LARGE1: variants seen among roughly 807,000 people sequenced by gnomAD.
LARGE1 encodes the protein xylosyl- and glucuronyltransferase LARGE1.
In LARGE1, 43 loss-of-function variants were observed where a neutral mutation model predicts 87.6. That is an observed-to-expected ratio of 0.49 (90% CI 0.38 to 0.63). The LOEUF (loss-of-function observed/expected upper bound fraction) is 0.63, where lower values mean the gene tolerates loss of function less well. Ranked by LOEUF, LARGE1 falls within the 30% of genes least tolerant of loss-of-function variation. The pLI is 0.00. For synonymous variants in LARGE1, 434 were observed against 394.6 expected, an observed-to-expected ratio of 1.10 and a Z score of -1.18; for missense variants, 802 against 1,000.2, an observed-to-expected ratio of 0.80 and a Z score of 2.67.
intron 1 of LARGE1, among the ~76,000 whole-genome samples, chr22:33,849,592 CTTTTTTTTTTTTTT>C (rs71187287): frequency 1.1e-5 from 1 of 88,592 alleles, no homozygotes; most frequent in East Asian, 3.1e-4. Context: ...CTTTTCTTCT[CTTTTTTTTTTTTTT>C]TTTTTTTTTT....
At chr22:33,541,047 TGGGTTGCGGGGGG>T (rs1357356354) in intron 6 of LARGE1, among the ~76,000 whole-genome samples, 1 of 2,180 alleles carries the variant, frequency 4.6e-4, no homozygotes, top group Admixed American at 6.3e-3. Flanking sequence ...GCTGGGGTGG[TGGGTTGCGGGGGG>T]GGGGGGGCGG....
intron 6 of LARGE1, among the ~76,000 whole-genome samples, chr22:33,443,937 T>C (rs767610643): frequency 6.6e-6 from 1 of 152,262 alleles, no homozygotes; most frequent in Non-Finnish European, 1.5e-5. Context: ...TCAGCCCAGC[T>C]ACAACCTCCA....
intron 6 of LARGE1, among the ~76,000 whole-genome samples, chr22:33,549,122 T>A (rs149470302): frequency 1.3e-5 from 2 of 152,290 alleles, no homozygotes; most frequent in Admixed American, 6.5e-5. Flanking sequence ...TTCATTTCAA[T>A]AAGGACCCTC....
At chr22:33,210,438 A>G (rs772031769) in intron 11 of LARGE1, among the ~76,000 whole-genome samples, 13 of 152,224 alleles carry the variant, frequency 8.5e-5, no homozygotes, top group Non-Finnish European at 1.9e-4. Flanking sequence ...TGGCTCAGCC[A>G]TGGTCTCCTG....
chr22:33,500,538 G>T (rs1375953200), intron 6 of LARGE1, among the ~76,000 whole-genome samples: 1 of 152,124 alleles, frequency 6.6e-6, no homozygotes, highest in Non-Finnish European at 1.5e-5. Flanking sequence ...AGAAAAATTG[G>T]TCTCATAGCT....
chr22:33,591,213 A>G (rs188328732), intron 5 of LARGE1, among the ~76,000 whole-genome samples: 1 of 152,356 alleles, frequency 6.6e-6, no homozygotes, highest in East Asian at 1.9e-4. Flanking sequence ...CAAACAAACA[A>G]AAAAGCTACC....
intron 1 of LARGE1, among the ~76,000 whole-genome samples, chr22:33,765,720 A>C (rs1310693052): frequency 6.6e-6 from 1 of 151,318 alleles, no homozygotes. Context: ...AAAAAAAAAA[A>C]AAAAAAAAAG....
intron 1 of LARGE1, among the ~76,000 whole-genome samples, chr22:33,876,139 AGTTGGGTGGGCCTCT>A (rs2064457900): frequency 6.6e-6 from 1 of 152,202 alleles, no homozygotes; most frequent in Non-Finnish European, 1.5e-5. Context: ...GAGACCCAGC[AGTTGGGTGGGCCTCT>A]GTGGGCACAG....
chr22:33,360,012 T>C lies in LARGE1; in HGVS notation c.1131+21907A>G, dbSNP rs1027460974. ...TTAAATGAAGGTTGCCAGTTAGAGTTCTGTATTAGTCCATTCTTACATTGC... is the reference window on the plus strand; with the variant it reads ...TTAAATGAAGGTTGCCAGTTAGAGTCCTGTATTAGTCCATTCTTACATTGC... On this transcript the variant is annotated intron_variant, in intron 9 of 14. Coordinates refer to ENST00000397394, the MANE Select transcript of LARGE1 (RefSeq NM_133642.5). Among the ~76,000 whole-genome samples, 2 of 149,552 alleles carry C rather than the reference T, an allele frequency of 1.3e-5. 1 individual carries two copies. The highest frequency in any genetic ancestry group is 3.0e-5 in the Non-Finnish European group (2 of 67,096).
At chr22:33,889,179 G>C (rs1465036255) in intron 1 of LARGE1, 1 of 136,242 alleles carries the variant, frequency 7.3e-6, no homozygotes, top group African/African-American at 2.5e-5. Context: ...TTTTAATTTC[G>C]TGAGCTTTTT....
At chr22:33,915,842 G>A (rs974268759) in intron 1 of LARGE1, among the ~76,000 whole-genome samples, 22 of 152,104 alleles carry the variant, frequency 1.4e-4, no homozygotes, top group African/African-American at 5.1e-4. Flanking sequence ...CACTAACTAT[G>A]ACTATTCTCC....
At chr22:33,254,479 C>G (rs1024791643) in intron 11 of LARGE1, among the ~76,000 whole-genome samples, 10 of 152,198 alleles carry the variant, frequency 6.6e-5, no homozygotes, top group African/African-American at 1.9e-4. Context: ...TATACAGTTT[C>G]TCCGTGCTAA....
At chr22:33,121,652 G>A in the LARGE1 span, among the ~76,000 whole-genome samples, 6 of 152,204 alleles carry the variant, frequency 3.9e-5, no homozygotes, top group African/African-American at 1.2e-4. Context: ...CCTTTGGGCA[G>A]AAATTTGGGC....
chr22:33,583,348 C>A (rs760231003), intron 5 of LARGE1, among the ~76,000 whole-genome samples: 1 of 152,192 alleles, frequency 6.6e-6, no homozygotes, highest in Non-Finnish European at 1.5e-5. Context: ...TTTTGAGAAC[C>A]ATCACAGGGC....
At chr22:33,230,637 A>G (rs1925962087) in intron 11 of LARGE1, among the ~76,000 whole-genome samples, 1 of 152,202 alleles carries the variant, frequency 6.6e-6, no homozygotes, top group South Asian at 2.1e-4. Context: ...CTTCTCAGAG[A>G]TAGGTGGGGC....
At chr22:33,288,172 C>T (rs907476583) in intron 12 of LARGE1, among the ~76,000 whole-genome samples, 8 of 152,160 alleles carry the variant, frequency 5.3e-5, no homozygotes, top group African/African-American at 1.4e-4. Context: ...GTTTCATAGA[C>T]GTGTTAAACT....
intron 11 of LARGE1, among the ~76,000 whole-genome samples, chr22:33,265,698 C>A (rs777196298): frequency 6.6e-6 from 1 of 152,134 alleles, no homozygotes; most frequent in Non-Finnish European, 1.5e-5. Context: ...TGTTGGACCC[C>A]CAGCAACTAT....
At chr22:33,524,827 A>G (rs998316096) in intron 6 of LARGE1, among the ~76,000 whole-genome samples, 22 of 152,118 alleles carry the variant, frequency 1.4e-4, no homozygotes, top group Non-Finnish European at 5.9e-5. Context: ...AGTACAGCCC[A>G]CTGGGAAAAA....
At chr22:33,465,561 A>G (rs968612977) in intron 6 of LARGE1, among the ~76,000 whole-genome samples, 5 of 152,236 alleles carry the variant, frequency 3.3e-5, no homozygotes, top group African/African-American at 1.2e-4. Flanking sequence ...TGAGGAAACA[A>G]TAGGCTTTGC....
Sources: gnomAD v4.1 joint callset for allele counts (sites outside exome capture counted in the v4.1 genomes callset) on GRCh38, gnomAD v4.1.1 for gene constraint, MANE v1.5 for transcripts, NCBI Gene and HGNC (gene_info 2026-07-23, HGNC 2026-07-21) for gene names.